PKD1L3: variants seen among roughly 807,000 people sequenced by gnomAD.
The protein encoded by PKD1L3 is polycystin 1 like 3, transient receptor potential channel interacting, also known as polycystin-1-like protein 3.
Under a neutral mutation model 184.1 loss-of-function variants are expected in PKD1L3, and 239 were observed. The observed-to-expected ratio is 1.30, with a 90% CI of 1.17 to 1.45. The LOEUF is 1.45. Among genes scored for constraint, PKD1L3 ranks in the 40% most tolerant of loss-of-function variants. The probability of loss-of-function intolerance (pLI) is 0.00; values close to 1 mark genes in which losing one functional copy is unlikely to be tolerated. For missense variants in PKD1L3, 2,660 were observed against 2,067.2 expected (o/e 1.29, Z -5.56); for synonymous variants, 996 against 778.8 (o/e 1.28, Z -4.64).
Position 71,954,188 on chromosome 16 carries a change from C to T in PKD1L3, c.2726G>A (p.Cys909Tyr). The change falls in exon 17 of 30, where the codon TGC becomes TAC. Residue 909 changes from cysteine (C) to tyrosine (Y), a missense_variant. Cys to Tyr is a radical substitution (Grantham distance 194). Coordinates refer to ENST00000620267, the MANE Select transcript of PKD1L3 (RefSeq NM_181536.2). Reference sequence around the variant, plus strand: ...CATGTTGCAGAGTAGCAGTGTCATGCAGCAAGACAGCCGTTGGACCCTTGT... The same window carrying T: ...CATGTTGCAGAGTAGCAGTGTCATGTAGCAAGACAGCCGTTGGACCCTTGT... Reference protein sequence around the residue: ...QFTRVQRLSCCMTLLLCNMVI... With the variant: ...QFTRVQRLSCYMTLLLCNMVI... The T allele has an allele frequency of 1.3e-6, 2 of 1,551,784 alleles. No homozygotes were observed. The highest frequency in any genetic ancestry group is 1.7e-6 in the Non-Finnish European group (2 of 1,146,958).
At chr16:71,985,670 T>G (rs2040331222) in intron 5 of PKD1L3, among the ~76,000 whole-genome samples, 1 of 152,172 alleles carries the variant, frequency 6.6e-6, no homozygotes, top group Admixed American at 6.5e-5. Flanking sequence ...CGGGCTTACG[T>G]GATCCTCCAC....
At chr16:71,967,836 T>C (rs1317336219) in intron 14 of PKD1L3, 70 bp downstream of exon 14, 31 of 1,313,352 alleles carry the variant, frequency 2.4e-5, no homozygotes. Flanking sequence ...TGCCAGGATA[T>C]CACCAACTCA....
At chr16:71,943,882 T>A in intron 23 of PKD1L3, 148 bp downstream of exon 23, 1 of 966,072 alleles carries the variant, frequency 1.0e-6, no homozygotes, top group Non-Finnish European at 1.5e-6. Context: ...CCATCCCACC[T>A]GCTTTACTGG....
chr16:71,988,406 G>A (rs2143821480), intron 4 of PKD1L3, among the ~76,000 whole-genome samples: 1 of 152,240 alleles, frequency 6.6e-6, no homozygotes, highest in East Asian at 1.9e-4. Flanking sequence ...TGTTGGCCTG[G>A]CTGGCCTCGA....
chr16:71,996,217 C>T (rs1412444619), intron 2 of PKD1L3, among the ~76,000 whole-genome samples: 5 of 143,498 alleles, frequency 3.5e-5, no homozygotes, highest in Admixed American at 7.1e-5. Context: ...TTTTCAATTG[C>T]TATAAGAATC....
rs572697650 is a variant in PKD1L3 at position 71,982,646 on chromosome 16, G to T, written c.967-411C>A. ...GGGTCTTGCTCTGTTGCCCCGTCTGGAGTGCAGTGGTACAATCATGCCTCA... is the reference window on the plus strand; with the variant it reads ...GGGTCTTGCTCTGTTGCCCCGTCTGTAGTGCAGTGGTACAATCATGCCTCA... On this transcript the variant is annotated intron_variant, in intron 6 of 29. Transcript: ENST00000620267. 6.6e-5 allele frequency among the ~76,000 whole-genome samples: 10 copies of T among 152,014 alleles called. No homozygotes were observed. In the South Asian group the frequency reaches 1.9e-3, roughly 29 times the overall value.
At chr16:71,959,059 G>C (rs1413863818) in intron 16 of PKD1L3, among the ~76,000 whole-genome samples, 1 of 135,618 alleles carries the variant, frequency 7.4e-6, no homozygotes, top group Non-Finnish European at 1.5e-5. Flanking sequence ...ACTCCAGCCT[G>C]GATGACAGAG....
chr16:71,941,561 A>C (rs1314132467), intron 24 of PKD1L3, among the ~76,000 whole-genome samples: 2 of 150,128 alleles, frequency 1.3e-5, no homozygotes, highest in Non-Finnish European at 3.0e-5. Flanking sequence ...TTTCCAGATG[A>C]TAGAACATTC....
At chr16:71,954,380 C>T (rs2038968351) in intron 16 of PKD1L3, 79 bp from the exon 17 acceptor site, 4 of 1,128,612 alleles carry the variant, frequency 3.5e-6, no homozygotes, top group South Asian at 1.7e-5. Flanking sequence ...ATTTGCCCAG[C>T]AACAAGCGAC....
At chr16:71,934,619 T>C (rs925731508) in intron 26 of PKD1L3, among the ~76,000 whole-genome samples, 8 of 152,236 alleles carry the variant, frequency 5.3e-5, no homozygotes, top group African/African-American at 1.9e-4. Flanking sequence ...GCGAGGGGTG[T>C]TGCTTAGCAA....
chr16:71,994,874 G>A (rs1179086541), intron 2 of PKD1L3, among the ~76,000 whole-genome samples: 1 of 152,034 alleles, frequency 6.6e-6, no homozygotes, highest in African/African-American at 2.4e-5. Context: ...TATAATCCCA[G>A]CTACTTGGGA....
At chr16:71,940,202 A>G (rs1326341797) in intron 24 of PKD1L3, among the ~76,000 whole-genome samples, 2 of 152,080 alleles carry the variant, frequency 1.3e-5, no homozygotes, top group African/African-American at 2.4e-5. Flanking sequence ...CTTGCCTTCT[A>G]CCACCCCATG....
chr16:71,980,896 C>CT (rs1272451895), intron 7 of PKD1L3, among the ~76,000 whole-genome samples: 3 of 152,184 alleles, frequency 2.0e-5, no homozygotes, highest in Non-Finnish European at 4.4e-5. Context: ...TCCCTAGTCC[C>CT]TCTAGCTCTA....
chr16:71,939,868 A>C (rs756202187), intron 24 of PKD1L3, among the ~76,000 whole-genome samples: 2 of 152,204 alleles, frequency 1.3e-5, no homozygotes, highest in African/African-American at 4.8e-5. Context: ...GTGACAGGAT[A>C]AAGTAAAAAC....
chr16:71,972,842 G>A (rs1014270923), intron 12 of PKD1L3, among the ~76,000 whole-genome samples: 1 of 152,196 alleles, frequency 6.6e-6, no homozygotes, highest in Non-Finnish European at 1.5e-5. Flanking sequence ...AATCACGAGT[G>A]TGCAAATATA....
chr16:71,996,185 GAT>G (rs1252385250), intron 2 of PKD1L3, among the ~76,000 whole-genome samples: 2 of 149,878 alleles, frequency 1.3e-5, no homozygotes, highest in African/African-American at 4.9e-5. Context: ...TATGGACGCT[GAT>G]ACAGTCATGT....
intron 18 of PKD1L3, among the ~76,000 whole-genome samples, chr16:71,952,498 C>T (rs2038876965): frequency 6.7e-6 from 1 of 148,890 alleles, no homozygotes; most frequent in Admixed American, 6.7e-5. Flanking sequence ...AGATTACAGG[C>T]GTGAGCCACC....
intron 4 of PKD1L3, among the ~76,000 whole-genome samples, chr16:71,989,392 A>G (rs2040501054): frequency 6.6e-6 from 1 of 152,222 alleles, no homozygotes; most frequent in Non-Finnish European, 1.5e-5. Context: ...ACCTCAGGTG[A>G]TCCGCCCGCC....
chr16:71,938,741 A>G (rs980049573), intron 24 of PKD1L3, among the ~76,000 whole-genome samples: 2 of 152,136 alleles, frequency 1.3e-5, no homozygotes, highest in Non-Finnish European at 2.9e-5. Context: ...TGAGGGCTAC[A>G]CAAACAATGG....
Sources: allele counts gnomAD v4.1 joint callset (sites outside exome capture counted in the v4.1 genomes callset), GRCh38; gene constraint gnomAD v4.1.1; transcripts MANE v1.5; gene names NCBI Gene and HGNC (gene_info 2026-07-23, HGNC 2026-07-21).